The following TSPEAR variants were observed in gnomAD, a reference collection of about 807,000 sequenced individuals.
TSPEAR encodes the protein thrombospondin-type laminin G domain and EAR repeat-containing protein.
A neutral mutation model predicts 71.6 loss-of-function variants in TSPEAR; 69 were observed. The ratio of observed to expected loss-of-function variants is 0.96; its 90% CI spans 0.79 to 1.18. The LOEUF is 1.18. Ranked by LOEUF, TSPEAR falls within the 50% of genes most tolerant of loss-of-function variation. TSPEAR has a pLI of 0.00. For synonymous variants in TSPEAR, 402 were observed against 387.2 expected (o/e 1.04, Z -0.45); for missense variants, 971 against 894.9 (o/e 1.09, Z -1.09).
intron 1 of TSPEAR, among the ~76,000 whole-genome samples, chr21:44,613,286 G>C (rs1555931729): frequency 6.6e-6 from 1 of 152,216 alleles, no homozygotes; most frequent in Admixed American, 6.5e-5. Flanking sequence ...GTTTCTAGGA[G>C]TGAGTTACTT....
chr21:44,580,600 G>C (rs1291764309), intron 1 of TSPEAR: 2 of 1,592,746 alleles, frequency 1.3e-6, no homozygotes, highest in Non-Finnish European at 1.7e-6. Context: ...GAAGACGTGA[G>C]CTGGGAGCTG....
At chr21:44,507,608 C>T (rs773493581) in intron 10 of TSPEAR, among the ~76,000 whole-genome samples, 3 of 152,196 alleles carry the variant, frequency 2.0e-5, no homozygotes, top group Non-Finnish European at 2.9e-5. Flanking sequence ...CCATAAGTCG[C>T]GAGTGTGTAG....
chr21:44,676,898 G>A, intron 1 of TSPEAR: 2 of 879,532 alleles, frequency 2.3e-6, no homozygotes, highest in Non-Finnish European at 3.9e-6. Flanking sequence ...TCTCTGTTCA[G>A]CTGATCGATG....
chr21:44,661,579 C>A (rs1985499846), intron 1 of TSPEAR, among the ~76,000 whole-genome samples: 1 of 152,128 alleles, frequency 6.6e-6, no homozygotes. Context: ...AAGGAAATAC[C>A]TGAGACTGGG....
chr21:44,620,765 G>C (rs587719399), intron 1 of TSPEAR, among the ~76,000 whole-genome samples: 2 of 152,282 alleles, frequency 1.3e-5, no homozygotes, highest in African/African-American at 4.8e-5. Flanking sequence ...AATGATTTGA[G>C]ATGTTTCTAT....
chr21:44,582,531 G>A (rs1271130363), intron 1 of TSPEAR, among the ~76,000 whole-genome samples: 8 of 152,206 alleles, frequency 5.3e-5, no homozygotes, highest in African/African-American at 1.9e-4. Flanking sequence ...TCGAATGGGT[G>A]TGGTGATTCC....
chr21:44,681,689 T>C (rs1254925228), intron 1 of TSPEAR: 25 of 1,145,394 alleles, frequency 2.2e-5, no homozygotes, highest in South Asian at 6.7e-5. Flanking sequence ...ATCATTCTAT[T>C]ATATTCTCGA....
chr21:44,646,218 G>A (rs1555939626), intron 1 of TSPEAR, among the ~76,000 whole-genome samples: 3 of 148,320 alleles, frequency 2.0e-5, no homozygotes, highest in Middle Eastern at 3.5e-3. Flanking sequence ...AGAGCCCTGC[G>A]ACATACATAC....
chr21:44,552,553 C>G (rs587759282), intron 2 of TSPEAR, among the ~76,000 whole-genome samples: 7 of 152,352 alleles, frequency 4.6e-5, no homozygotes, highest in African/African-American at 1.4e-4. Context: ...GAGCAGGCCC[C>G]TGGTCACCAG....
rs2052195101 is a variant in TSPEAR at position 44,506,137 on chromosome 21, T to C, written c.1755-1256A>G. On this transcript the variant is annotated intron_variant, in intron 10 of 11. Coordinates refer to ENST00000323084, the MANE Select transcript of TSPEAR (RefSeq NM_144991.3). This position sits in a 1 kb window ranked among gnomAD's most constrained non-coding sequence, Gnocchi z 4.2. ...GATGTTCTCCTAGAAGCAGAAGCTG[T>C]TTCTTGTTGCAAACAAATTTGCTGT... Among the ~76,000 whole-genome samples the C allele has an allele frequency of 6.6e-6, 1 of 152,166 alleles. No homozygotes were observed. Among genetic ancestry groups the C allele is most frequent in the African/African-American group, 2.4e-5 (1 of 41,450 alleles).
At chr21:44,518,349 T>C (rs1432403128) in intron 9 of TSPEAR, 1 of 458,462 alleles carries the variant, frequency 2.2e-6, no homozygotes, top group African/African-American at 2.0e-5. Context: ...TCTGGGGCAC[T>C]GGGGCATCTT....
chr21:44,677,928 A>T (rs1555947217), intron 1 of TSPEAR: 1 of 1,393,318 alleles, frequency 7.2e-7, no homozygotes, highest in Non-Finnish European at 1.0e-6. Context: ...TCCACCAAAA[A>T]ACAAAAGGCC....
At chr21:44,696,231 A>G (rs1341997381) in intron 1 of TSPEAR, among the ~76,000 whole-genome samples, 2 of 152,164 alleles carry the variant, frequency 1.3e-5, no homozygotes, top group African/African-American at 2.4e-5. Context: ...TTTCACATCA[A>G]TCCCACACCG....
At chr21:44,590,259 G>A (rs1025312700) in intron 1 of TSPEAR, among the ~76,000 whole-genome samples, 3 of 152,232 alleles carry the variant, frequency 2.0e-5, no homozygotes, top group Non-Finnish European at 4.4e-5. Flanking sequence ...GCAGCGGCTC[G>A]TACCACTCGC....
chr21:44,623,058 T>C lies in TSPEAR; in HGVS notation c.83-55053A>G, dbSNP rs587633458. On this transcript the variant is annotated intron_variant, in intron 1 of 11. Coordinates refer to ENST00000323084, the MANE Select transcript of TSPEAR (RefSeq NM_144991.3). The surrounding 1 kb of genome is among the most constrained non-coding windows in gnomAD (Gnocchi z 4.5). ...ACCATGAGCAAAGCCCCCTGAGGCC[T>C]CCCCAGAAGCTGAGCAGATGCCAGC... 2.0e-5 allele frequency among the ~76,000 whole-genome samples: 3 copies of C among 152,298 alleles called. No homozygotes were observed. In the East Asian group the frequency reaches 5.8e-4, roughly 29 times the overall value.
chr21:44,559,544 TGTCCTTGG>T (rs1421820762), intron 2 of TSPEAR, among the ~76,000 whole-genome samples: 1 of 152,196 alleles, frequency 6.6e-6, no homozygotes, highest in African/African-American at 2.4e-5. Flanking sequence ...CCTGCAATGG[TGTCCTTGG>T]GAGCTCCAAG....
intron 1 of TSPEAR, among the ~76,000 whole-genome samples, chr21:44,706,688 G>A (rs1369326108): frequency 4.6e-5 from 7 of 152,174 alleles, no homozygotes; most frequent in East Asian, 3.9e-4. Flanking sequence ...CCCCGCCACC[G>A]TTTTCCTTTC....
At chr21:44,576,922 A>ATATATAGT (rs1978496737) in intron 1 of TSPEAR, among the ~76,000 whole-genome samples, 1 of 152,186 alleles carries the variant, frequency 6.6e-6, no homozygotes, top group Non-Finnish European at 1.5e-5. Context: ...CTCAGGAGGG[A>ATATATAGT]TGAAATCACA....
At chr21:44,676,924 G>T (rs1986340379) in intron 1 of TSPEAR, 1 of 878,392 alleles carries the variant, frequency 1.1e-6, no homozygotes. Flanking sequence ...ATGTGCACGG[G>T]CAATCAGGGA....
Sources: allele counts gnomAD v4.1 joint callset (sites outside exome capture counted in the v4.1 genomes callset), GRCh38; gene constraint gnomAD v4.1.1; non-coding constraint Gnocchi (gnomAD v3.1); transcripts MANE v1.5; gene names NCBI Gene and HGNC (gene_info 2026-07-23, HGNC 2026-07-21).